The following SPTLC1 variants were observed in gnomAD, a reference collection of about 807,000 sequenced individuals.
The protein encoded by SPTLC1 is serine palmitoyltransferase 1.
Under a neutral mutation model 68.9 loss-of-function variants are expected in SPTLC1, and 55 were observed. That is an observed-to-expected ratio of 0.80 (90% CI 0.64 to 1.00). SPTLC1 has a LOEUF of 1.00. SPTLC1 is among the 50% of genes least tolerant of loss of function. The pLI, the probability that SPTLC1 is intolerant of heterozygous loss-of-function variation, is 0.00. For missense variants in SPTLC1, 449 were observed against 573.1 expected (o/e 0.78, Z 2.21); for synonymous variants, 197 against 201.6 (o/e 0.98, Z 0.19).
chr9:92,098,380 C>A (rs2118774574), intron 3 of SPTLC1, among the ~76,000 whole-genome samples: 2 of 152,232 alleles, frequency 1.3e-5, no homozygotes, highest in South Asian at 4.1e-4. Context: ...CCTGGCCCTC[C>A]CCCTGCGGAC....
chr9:92,071,464 A>AT (rs1400114141), intron 5 of SPTLC1, among the ~76,000 whole-genome samples: 1 of 152,218 alleles, frequency 6.6e-6, no homozygotes, highest in African/African-American at 2.4e-5. Flanking sequence ...TCTTAAGAGT[A>AT]TAAGTGATAG....
At chr9:92,089,918 T>A (rs1835293856) in intron 3 of SPTLC1, among the ~76,000 whole-genome samples, 1 of 152,336 alleles carries the variant, frequency 6.6e-6, no homozygotes, top group African/African-American at 2.4e-5. Context: ...CAGGCCATGA[T>A]GAAGAAATTC....
At chr9:92,032,618 C>T (rs779116934) in intron 14 of SPTLC1, 60 bp from the exon 15 acceptor site, 148 of 1,608,596 alleles carry the variant, frequency 9.2e-5, no homozygotes, top group Non-Finnish European at 1.2e-4. Flanking sequence ...TGGCTCACGC[C>T]TGTAATCCCA....
chr9:92,054,610 A>T (rs562677754), intron 8 of SPTLC1, among the ~76,000 whole-genome samples: 4 of 152,242 alleles, frequency 2.6e-5, no homozygotes, highest in African/African-American at 9.6e-5. Context: ...ACCTAAATAA[A>T]GCTGGATCTT....
intron 3 of SPTLC1, among the ~76,000 whole-genome samples, chr9:92,093,103 CTAAG>C (rs1835422522): frequency 2.0e-5 from 3 of 151,728 alleles, no homozygotes; most frequent in African/African-American, 2.4e-5. Context: ...AAGTGTTCAA[CTAAG>C]TTAGAAAAAG....
chr9:92,066,221 G>C (rs905793301), intron 6 of SPTLC1, among the ~76,000 whole-genome samples: 1 of 152,214 alleles, frequency 6.6e-6, no homozygotes, highest in Non-Finnish European at 1.5e-5. Context: ...GCAGAGCAGG[G>C]TGCGTGTGAG....
chr9:92,053,338 T>C (rs1452421206), intron 8 of SPTLC1, among the ~76,000 whole-genome samples: 2 of 152,212 alleles, frequency 1.3e-5, no homozygotes, highest in Admixed American at 1.3e-4. Flanking sequence ...GCAATCGCTG[T>C]TGAAAACAGT....
At chr9:92,041,761 G>C (rs960511603) in intron 12 of SPTLC1, among the ~76,000 whole-genome samples, 1 of 152,172 alleles carries the variant, frequency 6.6e-6, no homozygotes, top group Non-Finnish European at 1.5e-5. Context: ...TGTAGAAAAA[G>C]ATATTATAAT....
intron 3 of SPTLC1, among the ~76,000 whole-genome samples, chr9:92,101,902 A>G (rs1311732078): frequency 6.6e-6 from 1 of 152,082 alleles, no homozygotes; most frequent in Non-Finnish European, 1.5e-5. Context: ...AAATCTCCCA[A>G]TTCTTGGGAG....
At chr9:92,098,113 C>T (rs922875882) in intron 3 of SPTLC1, among the ~76,000 whole-genome samples, 2 of 152,266 alleles carry the variant, frequency 1.3e-5, no homozygotes, top group Admixed American at 6.5e-5. Flanking sequence ...CACCGGTTCC[C>T]GCCATCTCGG....
At chr9:92,113,920 A>T (rs1836334329) in intron 1 of SPTLC1, among the ~76,000 whole-genome samples, 1 of 152,234 alleles carries the variant, frequency 6.6e-6, no homozygotes, top group South Asian at 2.1e-4. Flanking sequence ...TAGCATCTAG[A>T]TCTGTGTGGT....
At chr9:92,078,999 C>T in intron 5 of SPTLC1, 1 of 951,410 alleles carries the variant, frequency 1.1e-6, no homozygotes, top group Non-Finnish European at 1.3e-6. Context: ...AGATATTTCC[C>T]TTGCTCTACT....
intron 6 of SPTLC1, among the ~76,000 whole-genome samples, chr9:92,062,700 G>A (rs1173198602): frequency 6.6e-6 from 1 of 152,216 alleles, no homozygotes; most frequent in Non-Finnish European, 1.5e-5. Flanking sequence ...GCTGGGCATA[G>A]TGGTGTGTTT....
At chr9:92,108,412 G>A (rs1453490953) in intron 3 of SPTLC1, 9 of 329,802 alleles carry the variant, frequency 2.7e-5, no homozygotes, top group South Asian at 2.2e-4. Context: ...GGTAACGTGC[G>A]ACAAATTTAA....
intron 8 of SPTLC1, 82 bp from the exon 9 acceptor site, chr9:92,050,149 G>T: frequency 3.4e-6 from 3 of 894,892 alleles, no homozygotes; most frequent in Non-Finnish European, 5.6e-6. Context: ...AGATTAAAAA[G>T]TATGTACAGC....
chr9:92,105,408 G>C, intron 3 of SPTLC1: 1 of 1,482,670 alleles, frequency 6.7e-7, no homozygotes, highest in South Asian at 1.2e-5. Context: ...CTTAGGAGGA[G>C]AAAGAAGAGA....
intron 3 of SPTLC1, among the ~76,000 whole-genome samples, chr9:92,093,968 G>C (rs1048259055): frequency 2.0e-5 from 3 of 152,116 alleles, no homozygotes; most frequent in African/African-American, 7.2e-5. Flanking sequence ...CAAACCACTA[G>C]GTTTCACACA....
chr9:92,074,208 C>T (rs1297028976), intron 5 of SPTLC1, among the ~76,000 whole-genome samples: 1 of 152,098 alleles, frequency 6.6e-6, no homozygotes, highest in South Asian at 2.1e-4. Context: ...ACCCACTCCA[C>T]GTTACCTTCT....
intron 7 of SPTLC1, among the ~76,000 whole-genome samples, chr9:92,056,763 G>A (rs1247947744): frequency 6.6e-6 from 1 of 152,126 alleles, no homozygotes; most frequent in Non-Finnish European, 1.5e-5. Context: ...AATGCTTTAA[G>A]GGGTATTTTA....
Sources: gnomAD v4.1 joint callset for allele counts (sites outside exome capture counted in the v4.1 genomes callset) on GRCh38, gnomAD v4.1.1 for gene constraint, MANE v1.5 for transcripts, NCBI Gene and HGNC (gene_info 2026-07-23, HGNC 2026-07-21) for gene names.